SPAAR: variants seen among roughly 807,000 people sequenced by gnomAD.
SPAAR encodes the protein long intergenic non-protein coding RNA 961.
For synonymous variants in SPAAR, 27 were observed against 15.9 expected (o/e 1.70, Z -1.66); for missense variants, 59 against 39.9 (o/e 1.48, Z -1.29).
rs141970691 is a variant in SPAAR at position 35,910,583 on chromosome 9, C to G, written c.120C>G (p.Gly40=). 1.0e-3 allele frequency: 707 copies of G among 702,974 alleles called. 1 individual carries two copies. Among genetic ancestry groups the G allele is most frequent in the Admixed American group, 2.4e-3 (121 of 50,012 alleles). 43.5% of individuals were successfully genotyped at this position (702,974 alleles called of 1,614,324 possible). A position where few individuals can be genotyped will look rare whatever the true frequency, so the allele number is the denominator to read the frequency against. The part of the protein sequence containing the change: ...SRAQDPQGGP[G]RSFTVATFRQ... ...CCCAGGATCCTCAGGGGGGTCCTGG[C>G]CGCAGCTTCACGGTGGCCACGTTTC... The change falls in exon 2 of 2, where the codon GGC becomes GGG. Residue 40 remains glycine, a synonymous_variant. Transcript: ENST00000443779.
At position 35,910,177 on chromosome 9, in the gene SPAAR, C is replaced by T. The variant is rs1833148845; in HGVS notation, c.-287C>T. ...TCCAGGGAATCTGTGCTCACGTCTT[C>T]CAGGACAGTGCTTCTTCTAGAAGCT... On this transcript the variant is annotated 5_prime_UTR_variant, in exon 2 of 2. Coordinates refer to ENST00000443779, the MANE Select transcript of SPAAR (RefSeq NM_001348107.3). 2 of 509,162 alleles carry T rather than the reference C, an allele frequency of 3.9e-6. No individual in the cohort carries two copies. Among genetic ancestry groups the T allele is most frequent in the Non-Finnish European group, 7.1e-6 (2 of 281,382 alleles). 31.5% of individuals were successfully genotyped at this position (509,162 alleles called of 1,614,324 possible).
At position 35,911,495 on chromosome 9, in the gene SPAAR, C is replaced by G. The variant is rs1211561990; in HGVS notation, c.*804C>G. On this transcript the variant is annotated 3_prime_UTR_variant, in exon 2 of 2. Coordinates refer to ENST00000443779, the MANE Select transcript of SPAAR (RefSeq NM_001348107.3). ...TCAGGAACTGAAAGATAATTCCAGA[C>G]AAGTTAAAATGTTATGTTACATTCA... 1 of 152,148 alleles carries G rather than the reference C, an allele frequency of 6.6e-6. No homozygotes were observed. Among genetic ancestry groups the G allele is most frequent in the East Asian group, 1.9e-4 (1 of 5,204 alleles). The allele number at this position is 152,148 out of a possible 1,614,324, so 9.4% of individuals were successfully genotyped here. A position where few individuals can be genotyped will look rare whatever the true frequency, so the allele number is the denominator to read the frequency against.
chr9:35,910,216 C>T lies in SPAAR; in HGVS notation c.-248C>T, dbSNP rs1013923693. The T allele has an allele frequency of 1.9e-5, 11 of 566,450 alleles. No homozygotes were observed. The highest frequency in any genetic ancestry group is 1.9e-5 in the Non-Finnish European group (6 of 316,270). 35.1% of individuals were successfully genotyped at this position (566,450 alleles called of 1,614,324 possible). A position where few individuals can be genotyped will look rare whatever the true frequency, so the allele number is the denominator to read the frequency against. ...CTTCTAGAAGCTGACATGGAGCTGACCACAGCTCTTGGAGGCATGGCCTGA... is the reference window on the plus strand; with the variant it reads ...CTTCTAGAAGCTGACATGGAGCTGATCACAGCTCTTGGAGGCATGGCCTGA... On this transcript the variant is annotated 5_prime_UTR_variant, in exon 2 of 2. Coordinates refer to ENST00000443779, the MANE Select transcript of SPAAR (RefSeq NM_001348107.3).
In SPAAR at chr9:35,910,233, A is replaced by G; in HGVS notation, c.-231A>G. ...GGAGCTGACCACAGCTCTTGGAGGC[A>G]TGGCCTGAGGCTTAGAAAATAGACA... On this transcript the variant is annotated 5_prime_UTR_variant, in exon 2 of 2. It removes an upstream start codon present in the reference 5' UTR. Transcript: ENST00000443779. 1 of 580,660 alleles carries G rather than the reference A, an allele frequency of 1.7e-6. No homozygotes were observed. Among genetic ancestry groups the G allele is most frequent in the Non-Finnish European group, 3.1e-6 (1 of 325,064 alleles). 36.0% of individuals were successfully genotyped at this position (580,660 alleles called of 1,614,324 possible).
rs778865488 is a variant in SPAAR, at chr9:35,910,382, C to T, written c.-82C>T. On this transcript the variant is annotated 5_prime_UTR_variant, in exon 2 of 2. In the 5' UTR this introduces an upstream ATG that the reference lacks. Coordinates refer to ENST00000443779, the MANE Select transcript of SPAAR (RefSeq NM_001348107.3). ...CGGAAGGAGAGCCGCCGGAGGAGCA[C>T]GGGGCACCTGCGATCGCGAAGAGCC... The T allele has an allele frequency of 2.3e-5, 16 of 693,382 alleles. No homozygotes were observed. The highest frequency in any genetic ancestry group is 6.1e-5 in the South Asian group (4 of 65,938). The allele number at this position is 693,382 out of a possible 1,614,324, so 43.0% of individuals were successfully genotyped here. A position where few individuals can be genotyped will look rare whatever the true frequency, so the allele number is the denominator to read the frequency against.
At position 35,910,449 on chromosome 9, in the gene SPAAR, G is replaced by A. The variant is rs1405091999; in HGVS notation, c.-15G>A. 1.4e-6 allele frequency: 1 copy of A among 702,946 alleles called. No homozygotes were observed. The highest frequency in any genetic ancestry group is 1.5e-5 in the South Asian group (1 of 67,602). The allele number at this position is 702,946 out of a possible 1,614,324, so 43.5% of individuals were successfully genotyped here. A position where few individuals can be genotyped will look rare whatever the true frequency, so the allele number is the denominator to read the frequency against. On this transcript the variant is annotated 5_prime_UTR_variant, in exon 2 of 2. Transcript: ENST00000443779. ...AGCGAAGGCTCCGAGAGGACCTAAGGTTGCTCAGTGGGCCATGGAAACGGC... is the reference window on the plus strand; with the variant it reads ...AGCGAAGGCTCCGAGAGGACCTAAGATTGCTCAGTGGGCCATGGAAACGGC...
chr9:35,911,239 G>GA lies in SPAAR; in HGVS notation c.*552dup, dbSNP rs1197813383. 1 of 152,744 alleles carries GA rather than the reference G, an allele frequency of 6.5e-6. No individual in the cohort carries two copies. Among genetic ancestry groups the GA allele is most frequent in the Non-Finnish European group, 1.5e-5 (1 of 68,542 alleles). The allele number at this position is 152,744 out of a possible 1,614,324, so 9.5% of individuals were successfully genotyped here. A position where few individuals can be genotyped will look rare whatever the true frequency, so the allele number is the denominator to read the frequency against. On this transcript the variant is annotated 3_prime_UTR_variant, in exon 2 of 2. Coordinates refer to ENST00000443779, the MANE Select transcript of SPAAR (RefSeq NM_001348107.3). Reference sequence around the variant, plus strand: ...AGAACAAGTTATTTACCTTAGAATTGAAAATGTATATCCTTTTATGGGCCT... The same window carrying GA: ...AGAACAAGTTATTTACCTTAGAATTGAAAAATGTATATCCTTTTATGGGCCT...
At position 35,910,594 on chromosome 9, in the gene SPAAR, C is replaced by T. The variant is rs1250202627; in HGVS notation, c.131C>T (p.Thr44Met). 5 of 702,862 alleles carry T rather than the reference C, an allele frequency of 7.1e-6. No individual in the cohort carries two copies. The highest frequency in any genetic ancestry group is 7.0e-5 in the African/African-American group (4 of 57,222). 43.5% of individuals were successfully genotyped at this position (702,862 alleles called of 1,614,324 possible). A position where few individuals can be genotyped will look rare whatever the true frequency, so the allele number is the denominator to read the frequency against. ...CAGGGGGGTCCTGGCCGCAGCTTCACGGTGGCCACGTTTCGCCAGGAAGCT... is the reference window on the plus strand; with the variant it reads ...CAGGGGGGTCCTGGCCGCAGCTTCATGGTGGCCACGTTTCGCCAGGAAGCT... The part of the protein sequence containing the change: ...DPQGGPGRSF[T>M]VATFRQEASL... The change falls in exon 2 of 2, where the codon ACG becomes ATG. Residue 44 changes from threonine to methionine, a missense_variant. Thr to Met is a moderately conservative substitution (Grantham distance 81, BLOSUM62 -1). Transcript: ENST00000443779.
chr9:35,910,574 G>A lies in SPAAR; in HGVS notation c.111G>A (p.Gly37=), dbSNP rs1297477875. The part of the protein sequence containing the change: ...SCDSRAQDPQ[G]GPGRSFTVAT... Reference sequence around the variant, plus strand: ...ACTCAAGGGCCCAGGATCCTCAGGGGGGTCCTGGCCGCAGCTTCACGGTGG... The same window carrying A: ...ACTCAAGGGCCCAGGATCCTCAGGGAGGTCCTGGCCGCAGCTTCACGGTGG... The change falls in exon 2 of 2, where the codon GGG becomes GGA. Residue 37 remains glycine (G), a synonymous_variant. Transcript: ENST00000443779. 7 of 702,842 alleles carry A rather than the reference G, an allele frequency of 1.0e-5. No homozygotes were observed. The highest frequency in any genetic ancestry group is 3.0e-5 in the South Asian group (2 of 67,586). The allele number at this position is 702,842 out of a possible 1,614,324, so 43.5% of individuals were successfully genotyped here.
In SPAAR at chr9:35,911,613, A is replaced by G. The variant is rs977244654; in HGVS notation, c.*922A>G. 2 of 152,154 alleles carry G rather than the reference A, an allele frequency of 1.3e-5. No homozygotes were observed. The highest frequency in any genetic ancestry group is 1.3e-4 in the Admixed American group (2 of 15,276). 9.4% of individuals were successfully genotyped at this position (152,154 alleles called of 1,614,324 possible). ...GGCCATGGAATAAATGCCATGCTAT[A>G]TTTAAGGAGTTTGGTTTGAAGGGTG... is the stretch of plus-strand genomic sequence containing the variant. On this transcript the variant is annotated 3_prime_UTR_variant, in exon 2 of 2. Coordinates refer to ENST00000443779, the MANE Select transcript of SPAAR (RefSeq NM_001348107.3).
chr9:35,910,196 A>G lies in SPAAR; in HGVS notation c.-268A>G. On this transcript the variant is annotated 5_prime_UTR_variant, in exon 2 of 2. Transcript: ENST00000443779. ...CGTCTTCCAGGACAGTGCTTCTTCT[A>G]GAAGCTGACATGGAGCTGACCACAG... The G allele has an allele frequency of 1.9e-6, 1 of 536,576 alleles. No individual in the cohort carries two copies. Among genetic ancestry groups the G allele is most frequent in the South Asian group, 2.2e-5 (1 of 46,360 alleles). The allele number at this position is 536,576 out of a possible 1,614,324, so 33.2% of individuals were successfully genotyped here.
Position 35,910,253 on chromosome 9 carries a change from TAGAC to T in SPAAR, c.-207_-204del, listed in dbSNP as rs1419188059. ...GAGGCATGGCCTGAGGCTTAGAAAA[TAGAC>T]AGAGATCATCTGAGATTTCAGCAGT... On this transcript the variant is annotated 5_prime_UTR_variant, in exon 2 of 2. Coordinates refer to ENST00000443779, the MANE Select transcript of SPAAR (RefSeq NM_001348107.3). 9 of 595,714 alleles carry T rather than the reference TAGAC, an allele frequency of 1.5e-5. No homozygotes were observed. Among genetic ancestry groups the T allele is most frequent in the Non-Finnish European group, 2.4e-5 (8 of 335,048 alleles). The allele number at this position is 595,714 out of a possible 1,614,324, so 36.9% of individuals were successfully genotyped here.
At position 35,910,966 on chromosome 9, in the gene SPAAR, C is replaced by CA; in HGVS notation, c.*275_*276insA. The stretch of plus-strand genomic sequence containing the variant: ...AGACAGCGCCGGAGTGCACGGTGGG[C>CA]CGGCTCTGCTGATCTACACCAGGAA... On this transcript the variant is annotated 3_prime_UTR_variant, in exon 2 of 2. Transcript: ENST00000443779. The CA allele has an allele frequency of 3.7e-6, 1 of 273,274 alleles. No individual in the cohort carries two copies. Among genetic ancestry groups the CA allele is most frequent in the Non-Finnish European group, 6.5e-6 (1 of 153,878 alleles). 16.9% of individuals were successfully genotyped at this position (273,274 alleles called of 1,614,324 possible).
Position 35,910,951 on chromosome 9 carries a change from G to GT in SPAAR, c.*260_*261insT. 5.2e-6 allele frequency: 2 copies of GT among 382,306 alleles called. No homozygotes were observed. The highest frequency in any genetic ancestry group is 5.3e-5 in the South Asian group (1 of 18,894). The allele number at this position is 382,306 out of a possible 1,614,324, so 23.7% of individuals were successfully genotyped here. On this transcript the variant is annotated 3_prime_UTR_variant, in exon 2 of 2. Coordinates refer to ENST00000443779, the MANE Select transcript of SPAAR (RefSeq NM_001348107.3). ...GAGGAGTGAGTGAACAGACAGCGCC[G>GT]GAGTGCACGGTGGGCCGGCTCTGCT...
intron 1 of SPAAR, 136 bp from the exon 2 acceptor site, chr9:35,910,021 T>G: frequency 5.8e-6 from 1 of 173,208 alleles, no homozygotes; most frequent in East Asian, 1.7e-4. Flanking sequence ...GCATCCATAG[T>G]AGGGGGAGTA....
At position 35,910,755 on chromosome 9, in the gene SPAAR, C is replaced by T; in HGVS notation, c.*64C>T. 1.6e-6 allele frequency: 1 copy of T among 631,390 alleles called. No individual in the cohort carries two copies. The allele number at this position is 631,390 out of a possible 1,614,324, so 39.1% of individuals were successfully genotyped here. ...ACTCACCCGCTCCTCAGCAAGCCTTCCCTGGCCTTCCCCTCCTCCCAGGGC... is the reference window on the plus strand; with the variant it reads ...ACTCACCCGCTCCTCAGCAAGCCTTTCCTGGCCTTCCCCTCCTCCCAGGGC... On this transcript the variant is annotated 3_prime_UTR_variant, in exon 2 of 2. Coordinates refer to ENST00000443779, the MANE Select transcript of SPAAR (RefSeq NM_001348107.3).
rs1218320775 is a variant in SPAAR, at chr9:35,910,967, C to T, written c.*276C>T. Reference sequence around the variant, plus strand: ...GACAGCGCCGGAGTGCACGGTGGGCCGGCTCTGCTGATCTACACCAGGAAC... The same window carrying T: ...GACAGCGCCGGAGTGCACGGTGGGCTGGCTCTGCTGATCTACACCAGGAAC... On this transcript the variant is annotated 3_prime_UTR_variant, in exon 2 of 2. Transcript: ENST00000443779. 1.5e-5 allele frequency: 6 copies of T among 401,076 alleles called. No individual in the cohort carries two copies. The highest frequency in any genetic ancestry group is 4.1e-5 in the Admixed American group (1 of 24,236). The allele number at this position is 401,076 out of a possible 1,614,324, so 24.8% of individuals were successfully genotyped here.
In SPAAR at chr9:35,911,060, G is replaced by A. The variant is rs1588214129; in HGVS notation, c.*369G>A. On this transcript the variant is annotated 3_prime_UTR_variant, in exon 2 of 2. Transcript: ENST00000443779. ...GCTGGTTCTGTTGCCACCTGGGCAC[G>A]CAGCACCCTCAAGTGGACATTTCTA... 1 of 204,640 alleles carries A rather than the reference G, an allele frequency of 4.9e-6. No homozygotes were observed. Among genetic ancestry groups the A allele is most frequent in the Non-Finnish European group, 9.9e-6 (1 of 101,348 alleles). The allele number at this position is 204,640 out of a possible 1,614,324, so 12.7% of individuals were successfully genotyped here. A position where few individuals can be genotyped will look rare whatever the true frequency, so the allele number is the denominator to read the frequency against.
At position 35,910,150 on chromosome 9, in the gene SPAAR, T is replaced by A. The variant is rs1394645158; in HGVS notation, c.-307-7T>A. 2.8e-5 allele frequency: 12 copies of A among 428,090 alleles called. No individual in the cohort carries two copies. In the East Asian group the frequency reaches 5.4e-4, roughly 19 times the overall value. The allele number at this position is 428,090 out of a possible 1,614,324, so 26.5% of individuals were successfully genotyped here. Reference sequence around the variant, plus strand: ...TGACCCCTCCTCTCCACCTTCTCTGTGTCCAGGGAATCTGTGCTCACGTCT... The same window carrying A: ...TGACCCCTCCTCTCCACCTTCTCTGAGTCCAGGGAATCTGTGCTCACGTCT... On this transcript the variant is annotated splice_polypyrimidine_tract_variant and splice_region_variant and intron_variant, in intron 1 of 1. Coordinates refer to ENST00000443779, the MANE Select transcript of SPAAR (RefSeq NM_001348107.3).
Sources: allele counts gnomAD v4.1 joint callset, GRCh38; gene constraint gnomAD v4.1.1; transcripts MANE v1.5; gene names NCBI Gene and HGNC (gene_info 2026-07-23, HGNC 2026-07-21).